GABRG1: variants seen among roughly 807,000 people sequenced by gnomAD.
GABRG1 encodes gamma-aminobutyric acid type A receptor subunit gamma1, also known as gamma-aminobutyric acid receptor subunit gamma-1.
Under a neutral mutation model 49.8 loss-of-function variants are expected in GABRG1, and 49 were observed. The observed-to-expected ratio is 0.98, with a 90% CI of 0.78 to 1.25. The LOEUF (loss-of-function observed/expected upper bound fraction) is 1.25, where lower values mean the gene tolerates loss of function less well. Ranked by LOEUF, GABRG1 falls within the 50% of genes most tolerant of loss-of-function variation. The pLI is 0.00. For missense variants in GABRG1, 552 were observed against 552.3 expected (o/e 1.00, Z 0.01); for synonymous variants, 232 against 185.1 (o/e 1.25, Z -2.06).
intron 1 of GABRG1, among the ~76,000 whole-genome samples, chr4:46,122,625 C>T (rs150369917): frequency 8.5e-5 from 13 of 152,074 alleles, no homozygotes; most frequent in African/African-American, 2.9e-4. Context: ...TACTTTAATC[C>T]AATCTCTATT....
At chr4:46,073,730 T>A (rs1262629859) in intron 3 of GABRG1, among the ~76,000 whole-genome samples, 1 of 152,100 alleles carries the variant, frequency 6.6e-6, no homozygotes, top group Non-Finnish European at 1.5e-5. Flanking sequence ...TGTTTTTTCC[T>A]ATACATAAGT....
At position 46,056,981 on chromosome 4, in the gene GABRG1, A is replaced by G. The variant is rs555836976; in HGVS notation, c.916+1236T>C. On this transcript the variant is annotated intron_variant, in intron 7 of 8. Coordinates refer to ENST00000295452, the MANE Select transcript of GABRG1 (RefSeq NM_173536.4). The stretch of plus-strand genomic sequence containing the variant: ...GAACTTTATACAAACCCAGTGGTAT[A>G]AATAATCCATTCAAATTCTTTTAGA... Among the ~76,000 whole-genome samples the G allele has an allele frequency of 3.9e-5, 6 of 152,264 alleles. No homozygotes were observed. The East Asian group carries it at 9.6e-4, about 24-fold the overall frequency.
At chr4:46,073,443 A>T (rs1719214311) in intron 3 of GABRG1, among the ~76,000 whole-genome samples, 1 of 152,084 alleles carries the variant, frequency 6.6e-6, no homozygotes. Context: ...AATGAAATTT[A>T]TATTTTGACA....
intron 1 of GABRG1, among the ~76,000 whole-genome samples, chr4:46,105,860 G>A (rs906988093): frequency 2.7e-5 from 4 of 149,964 alleles, no homozygotes; most frequent in Non-Finnish European, 4.4e-5. Flanking sequence ...CAAGTTAGTC[G>A]GTGTATGCAC....
intron 1 of GABRG1, among the ~76,000 whole-genome samples, chr4:46,106,150 C>T (rs189738476): frequency 6.6e-6 from 1 of 151,574 alleles, no homozygotes; most frequent in East Asian, 2.0e-4. Context: ...ATAGGGTAGA[C>T]ACCTGAGCCC....
chr4:46,078,131 G>C (rs940729811), intron 3 of GABRG1, among the ~76,000 whole-genome samples: 3 of 151,626 alleles, frequency 2.0e-5, no homozygotes, highest in African/African-American at 7.3e-5. Context: ...ATAGTTTCAA[G>C]CTTTAAAATA....
intron 1 of GABRG1, among the ~76,000 whole-genome samples, chr4:46,122,332 GGTT>G (rs1172583510): frequency 6.6e-6 from 1 of 151,920 alleles, no homozygotes; most frequent in African/African-American, 2.4e-5. Flanking sequence ...AATGATAAAA[GGTT>G]GTTATTTCAG....
At chr4:46,094,756 C>G (rs1401385229) in intron 2 of GABRG1, among the ~76,000 whole-genome samples, 1 of 151,928 alleles carries the variant, frequency 6.6e-6, no homozygotes, top group East Asian at 1.9e-4. Flanking sequence ...CCCAACACCA[C>G]AATCAAATCC....
intron 1 of GABRG1, among the ~76,000 whole-genome samples, chr4:46,104,807 A>C (rs1253036628): frequency 6.6e-6 from 1 of 151,402 alleles, no homozygotes; most frequent in Non-Finnish European, 1.5e-5. Flanking sequence ...AGATGACTAA[A>C]GCAGCCCCCA....
chr4:46,041,715 G>GT (rs1717794185), intron 8 of GABRG1, among the ~76,000 whole-genome samples: 1 of 152,000 alleles, frequency 6.6e-6, no homozygotes, highest in Non-Finnish European at 1.5e-5. Context: ...GACAAAAAAA[G>GT]TTATGGGGTT....
At chr4:46,063,357 T>C (rs1310835477) in intron 5 of GABRG1, among the ~76,000 whole-genome samples, 2 of 151,754 alleles carry the variant, frequency 1.3e-5, no homozygotes, top group African/African-American at 4.8e-5. Context: ...CCCTCAGAAA[T>C]AACGCCACAT....
At chr4:46,052,902 C>A (rs1388859199) in intron 7 of GABRG1, among the ~76,000 whole-genome samples, 4 of 151,910 alleles carry the variant, frequency 2.6e-5, no homozygotes, top group African/African-American at 7.2e-5. Flanking sequence ...ACAAACCTGT[C>A]ATTTCACTTT....
rs900823705 is a variant in GABRG1 at position 46,039,583 on chromosome 4, A to C, written c.*1405T>G. The C allele has an allele frequency of 9.2e-5, 14 of 151,840 alleles. No homozygotes were observed. Among genetic ancestry groups the C allele is most frequent in the Non-Finnish European group, 5.9e-5 (4 of 67,772 alleles). 9.4% of individuals were successfully genotyped at this position (151,840 alleles called of 1,614,324 possible). A position where few individuals can be genotyped will look rare whatever the true frequency, so the allele number is the denominator to read the frequency against. ...GTCTTGGCAACAGAAACAATCTTTAAAGGTTATTTCCAAGCTAAACCTGGT... is the reference window on the plus strand; with the variant it reads ...GTCTTGGCAACAGAAACAATCTTTACAGGTTATTTCCAAGCTAAACCTGGT... On this transcript the variant is annotated 3_prime_UTR_variant, in exon 9 of 9. Transcript: ENST00000295452.
At chr4:46,067,848 C>A (rs1368439873) in intron 3 of GABRG1, among the ~76,000 whole-genome samples, 1 of 152,072 alleles carries the variant, frequency 6.6e-6, no homozygotes, top group Non-Finnish European at 1.5e-5. Context: ...AATGGAGTAA[C>A]ACATAAATTG....
intron 5 of GABRG1, among the ~76,000 whole-genome samples, chr4:46,061,191 C>T (rs1718658605): frequency 6.6e-6 from 1 of 152,034 alleles, no homozygotes; most frequent in Admixed American, 6.6e-5. Context: ...CCTTGAGTTC[C>T]TTGAATTCTA....
intron 2 of GABRG1, among the ~76,000 whole-genome samples, chr4:46,090,984 A>G (rs967830820): frequency 6.6e-6 from 1 of 151,396 alleles, no homozygotes; most frequent in African/African-American, 2.4e-5. Flanking sequence ...ACACACACAC[A>G]CACACACACA....
At chr4:46,081,420 G>A (rs2109421109) in intron 3 of GABRG1, among the ~76,000 whole-genome samples, 1 of 151,968 alleles carries the variant, frequency 6.6e-6, no homozygotes, top group Non-Finnish European at 1.5e-5. Context: ...TGGCTAGAAT[G>A]CTATCACTAC....
intron 7 of GABRG1, among the ~76,000 whole-genome samples, chr4:46,054,209 C>G (rs572564931): frequency 3.1e-5 from 1 of 31,914 alleles, no homozygotes; most frequent in Non-Finnish European, 5.7e-5. Context: ...TGATCTATAT[C>G]TCTGTTTTGG....
At chr4:46,122,333 G>A (rs945580130) in intron 1 of GABRG1, among the ~76,000 whole-genome samples, 1 of 152,006 alleles carries the variant, frequency 6.6e-6, no homozygotes, top group African/African-American at 2.4e-5. Flanking sequence ...ATGATAAAAG[G>A]TTGTTATTTC....
Sources: allele counts gnomAD v4.1 joint callset (sites outside exome capture counted in the v4.1 genomes callset), GRCh38; gene constraint gnomAD v4.1.1; transcripts MANE v1.5; gene names NCBI Gene and HGNC (gene_info 2026-07-23, HGNC 2026-07-21).